UBASH3B: variants seen among roughly 807,000 people sequenced by gnomAD.
The protein encoded by UBASH3B is ubiquitin-associated and SH3 domain-containing protein B.
Under a neutral mutation model 83.4 loss-of-function variants are expected in UBASH3B, and 37 were observed. The observed-to-expected ratio is 0.44, with a 90% CI of 0.34 to 0.58. The LOEUF (loss-of-function observed/expected upper bound fraction) is 0.58, where lower values mean the gene tolerates loss of function less well. Among genes scored for constraint, UBASH3B ranks in the 20% least tolerant of loss-of-function variants. UBASH3B has a pLI of 0.01. For synonymous variants in UBASH3B, 304 were observed against 318.3 expected (o/e 0.96, Z 0.48); for missense variants, 657 against 827.2 (o/e 0.79, Z 2.52).
intron 1 of UBASH3B, among the ~76,000 whole-genome samples, chr11:122,744,396 T>C (rs1861077550): frequency 6.6e-6 from 1 of 152,086 alleles, no homozygotes; most frequent in South Asian, 2.1e-4. Context: ...AGTGAGTACA[T>C]GGACACGTGT....
intron 1 of UBASH3B, among the ~76,000 whole-genome samples, chr11:122,743,407 G>A (rs1318718521): frequency 6.6e-6 from 1 of 152,024 alleles, no homozygotes; most frequent in African/African-American, 2.4e-5. Context: ...TACAGTTGGG[G>A]GTCTCGCTAT....
In UBASH3B at chr11:122,811,639, T is replaced by C. The variant is rs1212430712; in HGVS notation, c.*1753T>C. ...CACACCTGGCCCATAGTTGTATTTTTTTTAGGTCACTTAGAAAAATATGTC... is the reference window on the plus strand; with the variant it reads ...CACACCTGGCCCATAGTTGTATTTTCTTTAGGTCACTTAGAAAAATATGTC... On this transcript the variant is annotated 3_prime_UTR_variant, in exon 14 of 14. Transcript: ENST00000284273. 2.0e-5 allele frequency: 3 copies of C among 152,156 alleles called. No individual in the cohort carries two copies. The highest frequency in any genetic ancestry group is 2.0e-4 in the Admixed American group (3 of 15,272). The allele number at this position is 152,156 out of a possible 1,614,324, so 9.4% of individuals were successfully genotyped here.
intron 1 of UBASH3B, chr11:122,775,503 G>C (rs557486050): frequency 1.3e-5 from 2 of 152,386 alleles, no homozygotes; most frequent in African/African-American, 4.8e-5. Flanking sequence ...AGTGGGTAGA[G>C]GGAGGCAATG....
chr11:122,703,851 C>G (rs1424411282), intron 1 of UBASH3B, among the ~76,000 whole-genome samples: 1 of 152,170 alleles, frequency 6.6e-6, no homozygotes, highest in Admixed American at 6.6e-5. Flanking sequence ...AGAAGAGAGA[C>G]AGGTGATGGC....
At chr11:122,709,873 G>T (rs186439644) in intron 1 of UBASH3B, among the ~76,000 whole-genome samples, 1 of 152,074 alleles carries the variant, frequency 6.6e-6, no homozygotes, top group African/African-American at 2.4e-5. Flanking sequence ...GAGCATTCTC[G>T]AGGCCAGGGG....
At chr11:122,676,072 C>T (rs10892879) in intron 1 of UBASH3B, among the ~76,000 whole-genome samples, 37,271 of 152,104 alleles carry the variant, frequency 0.25, 4,710 homozygotes, top group Middle Eastern at 0.27. Context: ...CCTCAGCTCT[C>T]CCACCTCACC....
chr11:122,748,463 C>A (rs939245916), intron 1 of UBASH3B, among the ~76,000 whole-genome samples: 9 of 152,322 alleles, frequency 5.9e-5, no homozygotes, highest in South Asian at 2.1e-4. Context: ...TCGGAGAATT[C>A]TCTTCCTTAC....
Position 122,787,384 on chromosome 11 carries a change from G to A in UBASH3B, c.772-1716G>A, listed in dbSNP as rs554462994. Among the ~76,000 whole-genome samples the A allele has an allele frequency of 7.6e-4, 115 of 152,154 alleles. 1 individual carries two copies. Among genetic ancestry groups the A allele is most frequent in the Non-Finnish European group, 1.6e-3 (110 of 68,036 alleles). On this transcript the variant is annotated intron_variant, in intron 5 of 13. Coordinates refer to ENST00000284273, the MANE Select transcript of UBASH3B (RefSeq NM_032873.5). ...ATCAGAGCAGGGAAGACCTAGAACTGAAAGATGCTGAAGTCAGAATTAGGG... is the reference window on the plus strand; with the variant it reads ...ATCAGAGCAGGGAAGACCTAGAACTAAAAGATGCTGAAGTCAGAATTAGGG...
intron 1 of UBASH3B, among the ~76,000 whole-genome samples, chr11:122,772,773 T>A (rs913428497): frequency 1.2e-4 from 19 of 152,364 alleles, no homozygotes; most frequent in Middle Eastern, 3.4e-3. Flanking sequence ...TGGGTTTTTT[T>A]AATTAGCCAT....
chr11:122,665,958 CTG>C (rs1399798357), intron 1 of UBASH3B, among the ~76,000 whole-genome samples: 3 of 152,170 alleles, frequency 2.0e-5, no homozygotes, highest in African/African-American at 7.2e-5. Flanking sequence ...CTCCCGGCCT[CTG>C]TGGAAGCATA....
At chr11:122,678,370 T>C (rs949838680) in intron 1 of UBASH3B, among the ~76,000 whole-genome samples, 6 of 152,178 alleles carry the variant, frequency 3.9e-5, no homozygotes, top group South Asian at 2.1e-4. Context: ...CTTCTTTCCA[T>C]TGTGGCTGCA....
chr11:122,771,567 C>T (rs1711806111), intron 1 of UBASH3B, among the ~76,000 whole-genome samples: 1 of 152,134 alleles, frequency 6.6e-6, no homozygotes, highest in Non-Finnish European at 1.5e-5. Flanking sequence ...AGGTCCAGAT[C>T]AAGCATCATT....
chr11:122,699,815 C>G (rs1490381231), intron 1 of UBASH3B, among the ~76,000 whole-genome samples: 1 of 152,146 alleles, frequency 6.6e-6, no homozygotes, highest in Non-Finnish European at 1.5e-5. Context: ...AACTCCTGAG[C>G]TCAAGTAATC....
At chr11:122,688,650 A>T (rs56929997) in intron 1 of UBASH3B, among the ~76,000 whole-genome samples, 7,718 of 72,532 alleles carry the variant, frequency 0.11, 718 homozygotes, top group African/African-American at 0.26. Flanking sequence ...ATTTTATTTT[A>T]TTTTATTTTT....
intron 1 of UBASH3B, among the ~76,000 whole-genome samples, chr11:122,745,898 G>A (rs187524716): frequency 1.3e-5 from 2 of 152,332 alleles, no homozygotes; most frequent in South Asian, 2.1e-4. Context: ...GGGGGAGCAC[G>A]TATATCACAG....
At chr11:122,721,244 C>CAA (rs34298191) in intron 1 of UBASH3B, among the ~76,000 whole-genome samples, 98 of 72,938 alleles carry the variant, frequency 1.3e-3, no homozygotes, top group Middle Eastern at 8.8e-3. Flanking sequence ...GACTGTGTCT[C>CAA]AAAAAAAAAA....
chr11:122,813,570 C>A lies in UBASH3B; in HGVS notation c.*3684C>A, dbSNP rs1368971738. The A allele has an allele frequency of 6.6e-6, 1 of 152,130 alleles. No homozygotes were observed. Among genetic ancestry groups the A allele is most frequent in the Non-Finnish European group, 1.5e-5 (1 of 68,030 alleles). 9.4% of individuals were successfully genotyped at this position (152,130 alleles called of 1,614,324 possible). On this transcript the variant is annotated 3_prime_UTR_variant, in exon 14 of 14. Coordinates refer to ENST00000284273, the MANE Select transcript of UBASH3B (RefSeq NM_032873.5). The stretch of plus-strand genomic sequence containing the variant: ...CTGCACGAACTTAGATAATGAGGTG[C>A]AGGGTTATTTGCATTTAAATTGCAA...
intron 1 of UBASH3B, among the ~76,000 whole-genome samples, chr11:122,702,594 A>G (rs1314963839): frequency 1.1e-4 from 16 of 151,400 alleles, no homozygotes; most frequent in Non-Finnish European, 1.6e-4. Flanking sequence ...GTGCGATCTC[A>G]GCTTACTGCA....
chr11:122,733,485 C>T (rs917583158), intron 1 of UBASH3B, among the ~76,000 whole-genome samples: 13 of 152,214 alleles, frequency 8.5e-5, no homozygotes, highest in Non-Finnish European at 2.9e-5. Context: ...TCAAGTGCCT[C>T]GCGCCAAAGC....
Sources: allele counts gnomAD v4.1 joint callset (sites outside exome capture counted in the v4.1 genomes callset), GRCh38; gene constraint gnomAD v4.1.1; transcripts MANE v1.5; gene names NCBI Gene and HGNC (gene_info 2026-07-23, HGNC 2026-07-21).